Variants in CDH9 observed in about 807,000 individuals in gnomAD.
CDH9 encodes the protein cadherin-9.
Under a neutral mutation model 70.9 loss-of-function variants are expected in CDH9, and 28 were observed. That is an observed-to-expected ratio of 0.40 (90% CI 0.29 to 0.54). The LOEUF (loss-of-function observed/expected upper bound fraction) is 0.54. Among genes scored for constraint, CDH9 ranks in the 20% least tolerant of loss-of-function variants. The pLI is 0.59. For missense variants in CDH9, 874 were observed against 984.4 expected (o/e 0.89, Z 1.50); for synonymous variants, 409 against 343.1 (o/e 1.19, Z -2.12).
intron 2 of CDH9, among the ~76,000 whole-genome samples, chr5:26,964,837 A>G (rs939753467): frequency 8.6e-6 from 1 of 116,896 alleles, no homozygotes; most frequent in Non-Finnish European, 1.6e-5. Flanking sequence ...CCCTGTGTCC[A>G]TGTGTTCTCA....
chr5:27,012,248 G>A (rs186721350), intron 1 of CDH9, among the ~76,000 whole-genome samples: 36 of 151,606 alleles, frequency 2.4e-4, no homozygotes, highest in East Asian at 1.2e-3. Context: ...GTTGTACTCC[G>A]TTGTTTTTAT....
chr5:26,965,437 G>A (rs192478772), intron 2 of CDH9, among the ~76,000 whole-genome samples: 24 of 151,878 alleles, frequency 1.6e-4, no homozygotes, highest in Non-Finnish European at 2.9e-4. Flanking sequence ...TTAGTCAGGC[G>A]TGGTGGCGGG....
chr5:26,993,065 C>T (rs540088450), intron 1 of CDH9, among the ~76,000 whole-genome samples: 1 of 145,282 alleles, frequency 6.9e-6, no homozygotes, highest in African/African-American at 2.6e-5. Flanking sequence ...TGCTCCATTG[C>T]ACTCTAACCT....
At chr5:26,939,929 C>A (rs773455733) in intron 2 of CDH9, among the ~76,000 whole-genome samples, 7 of 151,974 alleles carry the variant, frequency 4.6e-5, no homozygotes, top group Non-Finnish European at 8.8e-5. Flanking sequence ...GCGACTGGAT[C>A]ACTTGAGCCC....
chr5:26,982,783 A>G (rs2112085922), intron 2 of CDH9, among the ~76,000 whole-genome samples: 1 of 151,984 alleles, frequency 6.6e-6, no homozygotes, highest in South Asian at 2.1e-4. Flanking sequence ...CCTGGGTTCA[A>G]GTGATTCTCC....
chr5:26,881,574 A>T lies in CDH9; in HGVS notation c.1932T>A (p.Pro644=), dbSNP rs763918956. The change falls in exon 12 of 12, where the codon CCT becomes CCA. Residue 644 remains proline (P), a synonymous_variant. Coordinates refer to ENST00000231021, the MANE Select transcript of CDH9 (RefSeq NM_016279.4). The stretch of plus-strand genomic sequence containing the variant: ...GGACATCGTCTTTTGAAATTATCAG[A>T]GGTTCCTTTTTTCTTTGCCTCTTCA... The part of the protein sequence containing the change: ...AALKRQRKKE[P]LIISKDDVRD... 6.2e-7 allele frequency: 1 copy of T among 1,612,764 alleles called. No individual in the cohort carries two copies. The highest frequency in any genetic ancestry group is 8.5e-7 in the Non-Finnish European group (1 of 1,179,510).
At chr5:26,966,108 G>A (rs547804727) in intron 2 of CDH9, among the ~76,000 whole-genome samples, 6 of 152,086 alleles carry the variant, frequency 3.9e-5, no homozygotes, top group Non-Finnish European at 8.8e-5. Flanking sequence ...TGCTATTGAG[G>A]GAAAGGGAGC....
At chr5:27,003,388 AGTGT>A (rs1305742702) in intron 1 of CDH9, among the ~76,000 whole-genome samples, 2 of 152,100 alleles carry the variant, frequency 1.3e-5, no homozygotes, top group Non-Finnish European at 2.9e-5. Flanking sequence ...TCACTTCCTA[AGTGT>A]AGGATGCACA....
chr5:26,906,585 C>A, intron 4 of CDH9, 134 bp downstream of exon 4: 1 of 1,311,890 alleles, frequency 7.6e-7, no homozygotes, highest in Non-Finnish European at 1.0e-6. Context: ...TGTTTACATC[C>A]AATAATGACA....
Position 26,906,080 on chromosome 5 carries a change from C to T in CDH9, c.690G>A (p.Glu230=). Residue 230 remains glutamate, a synonymous_variant, in exon 5 of 12, where the codon GAG becomes GAA. Coordinates refer to ENST00000231021, the MANE Select transcript of CDH9 (RefSeq NM_016279.4). ...ALPDMSRENR[E]QYQVVIQAKD... ...TGGCCTGTATAACAACCTGGTACTG[C>T]TCTCTATTTTCTCTGCTCATGTCTG... 6.2e-7 allele frequency: 1 copy of T among 1,613,756 alleles called. No individual in the cohort carries two copies. The highest frequency in any genetic ancestry group is 1.1e-5 in the South Asian group (1 of 91,070).
rs114530785 is a variant in CDH9, at chr5:26,976,773, C to G, written c.228+11333G>C. On this transcript the variant is annotated intron_variant, in intron 2 of 11. Coordinates refer to ENST00000231021, the MANE Select transcript of CDH9 (RefSeq NM_016279.4). ...ATTGTTGAACATCTTATTATGCATA[C>G]TGGCCACTTGGATATCATCTTTTGT... Among the ~76,000 whole-genome samples, 1,093 of 152,200 alleles carry G rather than the reference C, an allele frequency of 7.2e-3. 13 individuals carry two copies. Among genetic ancestry groups the G allele is most frequent in the African/African-American group, 0.025 (1,048 of 41,536 alleles).
chr5:26,913,013 C>CT (rs1291442195), intron 3 of CDH9, among the ~76,000 whole-genome samples: 7 of 152,106 alleles, frequency 4.6e-5, no homozygotes, highest in Non-Finnish European at 1.0e-4. Context: ...AACTCCTTGC[C>CT]TTCTGCCATG....
At chr5:26,889,778 T>C (rs1449708663) in intron 9 of CDH9, 58 bp downstream of exon 9, 7 of 1,047,038 alleles carry the variant, frequency 6.7e-6, no homozygotes, top group Admixed American at 2.1e-5. Context: ...TGATGTAATG[T>C]CATTTGACTT....
At chr5:26,971,357 T>C (rs1235587614) in intron 2 of CDH9, among the ~76,000 whole-genome samples, 1 of 152,174 alleles carries the variant, frequency 6.6e-6, no homozygotes, top group Non-Finnish European at 1.5e-5. Context: ...TTTTACACTC[T>C]GGGGAGTGCT....
intron 2 of CDH9, among the ~76,000 whole-genome samples, chr5:26,919,285 AC>A (rs1442668356): frequency 1.3e-5 from 2 of 152,120 alleles, no homozygotes; most frequent in East Asian, 1.9e-4. Flanking sequence ...TGATTGTGAA[AC>A]TTTGCATTGG....
At chr5:26,992,427 G>A (rs1742592487) in intron 1 of CDH9, among the ~76,000 whole-genome samples, 1 of 152,144 alleles carries the variant, frequency 6.6e-6, no homozygotes, top group African/African-American at 2.4e-5. Flanking sequence ...AGACACAGCA[G>A]AACAATGGCC....
At chr5:26,920,893 C>T (rs547739741) in intron 2 of CDH9, among the ~76,000 whole-genome samples, 5 of 152,214 alleles carry the variant, frequency 3.3e-5, no homozygotes, top group Admixed American at 2.0e-4. Flanking sequence ...CCAAGAAGGA[C>T]GAGTCAAACA....
intron 2 of CDH9, among the ~76,000 whole-genome samples, chr5:26,953,726 T>A (rs1741892794): frequency 6.6e-6 from 1 of 152,160 alleles, no homozygotes; most frequent in Non-Finnish European, 1.5e-5. Flanking sequence ...AAGTTCTGTA[T>A]CTTAATCTCT....
chr5:26,903,793 T>C lies in CDH9; in HGVS notation c.843A>G (p.Val281=), dbSNP rs1318335735. 1 of 1,594,358 alleles carries C rather than the reference T, an allele frequency of 6.3e-7. No individual in the cohort carries two copies. Among genetic ancestry groups the C allele is most frequent in the South Asian group, 1.2e-5 (1 of 86,298 alleles). Residue 281 remains valine, a synonymous_variant, in exon 6 of 12, where the codon GTA becomes GTG. Coordinates refer to ENST00000231021, the MANE Select transcript of CDH9 (RefSeq NM_016279.4). Reference sequence around the variant, plus strand: ...TCCTTCCAAGATGAGTTCCAAGAGGTACAGACTCAGGAGAATTAAATTGAT... The same window carrying C: ...TCCTTCCAAGATGAGTTCCAAGAGGCACAGACTCAGGAGAATTAAATTGAT... ...STYQFNSPES[V]PLGTHLGRIK...
Sources: allele counts gnomAD v4.1 joint callset (sites outside exome capture counted in the v4.1 genomes callset), GRCh38; gene constraint gnomAD v4.1.1; transcripts MANE v1.5; gene names NCBI Gene and HGNC (gene_info 2026-07-23, HGNC 2026-07-21).